Variants in SLC30A5 observed in about 807,000 individuals in gnomAD.
SLC30A5 encodes solute carrier family 30 member 5.
A neutral mutation model predicts 79.6 loss-of-function variants in SLC30A5; 33 were observed. The ratio of observed to expected loss-of-function variants is 0.41; its 90% CI spans 0.31 to 0.55. The LOEUF is 0.55. Ranked by LOEUF, SLC30A5 falls within the 20% of genes least tolerant of loss-of-function variation. The pLI is 0.20. For synonymous variants in SLC30A5, 299 were observed against 319.7 expected (o/e 0.94, Z 0.69); for missense variants, 788 against 928.1 (o/e 0.85, Z 1.96).
At chr5:69,119,517 CTT>C (rs990849549) in intron 12 of SLC30A5, among the ~76,000 whole-genome samples, 2 of 152,120 alleles carry the variant, frequency 1.3e-5, no homozygotes, top group African/African-American at 4.8e-5. Context: ...ATTATTAACT[CTT>C]AAGTTCAGTT....
chr5:69,094,389 C>T, intron 1 of SLC30A5, 51 bp downstream of exon 1: 1 of 1,241,640 alleles, frequency 8.1e-7, no homozygotes, highest in East Asian at 3.2e-5. Context: ...TCAGGATGCA[C>T]TTTCTCCGGC....
At chr5:69,095,767 G>T (rs1414956845) in intron 1 of SLC30A5, among the ~76,000 whole-genome samples, 1 of 151,992 alleles carries the variant, frequency 6.6e-6, no homozygotes, top group African/African-American at 2.4e-5. Context: ...TTAAATAAAA[G>T]TTTCATATCA....
chr5:69,100,373 A>G (rs1366429718), intron 1 of SLC30A5, among the ~76,000 whole-genome samples: 1 of 152,118 alleles, frequency 6.6e-6, no homozygotes, highest in Non-Finnish European at 1.5e-5. Context: ...AGTGGCTGAG[A>G]CTGCTACCAC....
chr5:69,101,716 G>A (rs1745925627), intron 2 of SLC30A5, among the ~76,000 whole-genome samples: 1 of 151,614 alleles, frequency 6.6e-6, no homozygotes, highest in African/African-American at 2.4e-5. Flanking sequence ...CAGCACTTTG[G>A]GAGGCGGAGG....
chr5:69,114,376 G>T (rs776989788), intron 6 of SLC30A5, 44 bp from the exon 7 acceptor site: 17 of 1,152,466 alleles, frequency 1.5e-5, no homozygotes, highest in Non-Finnish European at 2.2e-5. Flanking sequence ...AGGTGTCAAA[G>T]AGTGACTTTT....
Position 69,116,167 on chromosome 5 carries a change from A to G in SLC30A5, c.1025A>G (p.His342Arg), listed in dbSNP as rs1746366939. The G allele has an allele frequency of 6.2e-7, 1 of 1,614,182 alleles. No homozygotes were observed. The highest frequency in any genetic ancestry group is 1.1e-5 in the South Asian group (1 of 91,070). The change falls in exon 9 of 16, where the codon CAC (histidine) becomes CGC (arginine). Residue 342 changes from histidine to arginine, a missense_variant. By Grantham distance (29) the His-to-Arg change is conservative (BLOSUM62 0). Coordinates refer to ENST00000396591, the MANE Select transcript of SLC30A5 (RefSeq NM_022902.5). The surrounding 1 kb of genome is among the most constrained non-coding windows in gnomAD (Gnocchi z 4.0). ...NKAAHQESTEHVLSGGVVVSA... is the reference protein window; with the variant it reads ...NKAAHQESTERVLSGGVVVSA... ...GCAGCACACCAGGAGAGCACTGAAC[A>G]CGTCCTGTCTGGAGGAGTGGTAGTG...
intron 3 of SLC30A5, among the ~76,000 whole-genome samples, 186 bp downstream of exon 3, chr5:69,103,314 AT>A (rs2111945028): frequency 6.6e-6 from 1 of 152,324 alleles, no homozygotes; most frequent in Admixed American, 6.5e-5. Context: ...AGATCATGGA[AT>A]GTTTTTAAAA....
chr5:69,110,893 T>C (rs1420693444), intron 5 of SLC30A5, among the ~76,000 whole-genome samples: 1 of 151,900 alleles, frequency 6.6e-6, no homozygotes, highest in Admixed American at 6.5e-5. Context: ...CTTGAAAACA[T>C]TTAAAAAAAA....
intron 3 of SLC30A5, chr5:69,103,850 A>T: frequency 2.4e-6 from 2 of 844,838 alleles, no homozygotes; most frequent in South Asian, 3.4e-5. Context: ...CTGCGTCATA[A>T]TTTTTTTATT....
At chr5:69,122,635 CAG>C (rs1746567596) in intron 13 of SLC30A5, among the ~76,000 whole-genome samples, 1 of 152,174 alleles carries the variant, frequency 6.6e-6, no homozygotes, top group South Asian at 2.1e-4. Flanking sequence ...GCCTGGGCAA[CAG>C]AGTGAGACTC....
In SLC30A5 at chr5:69,120,664, T is replaced by C. The variant is rs371242858; in HGVS notation, c.1570-1030T>C. On this transcript the variant is annotated intron_variant, in intron 12 of 15. Coordinates refer to ENST00000396591, the MANE Select transcript of SLC30A5 (RefSeq NM_022902.5). ...GTTTCATTCAAAGTCATTAACCATCTACCAGCTTATAAAGCCTAATGAAAT... is the reference window on the plus strand; with the variant it reads ...GTTTCATTCAAAGTCATTAACCATCCACCAGCTTATAAAGCCTAATGAAAT... Among the ~76,000 whole-genome samples the C allele has an allele frequency of 9.2e-5, 14 of 152,346 alleles. No individual in the cohort carries two copies. The South Asian group carries it at 2.9e-3, about 32-fold the overall frequency.
intron 14 of SLC30A5, among the ~76,000 whole-genome samples, chr5:69,127,035 T>G (rs1334935942): frequency 6.6e-6 from 1 of 152,124 alleles, no homozygotes; most frequent in African/African-American, 2.4e-5. Context: ...TTTTATAAAT[T>G]TTCTCCCCAC....
At chr5:69,098,911 T>C (rs1745825368) in intron 1 of SLC30A5, among the ~76,000 whole-genome samples, 1 of 152,218 alleles carries the variant, frequency 6.6e-6, no homozygotes, top group South Asian at 2.1e-4. Flanking sequence ...TAATCCATAT[T>C]TGTGAATTTA....
Position 69,117,733 on chromosome 5 carries a change from C to T in SLC30A5, c.1439+337C>T, listed in dbSNP as rs370159915. ...CTCTACTAAAAATACAAAAATTAGC[C>T]GGGTATGGTGGCACGCACCTGTAGC... On this transcript the variant is annotated intron_variant, in intron 11 of 15. Transcript: ENST00000396591. Among the ~76,000 whole-genome samples, 47 of 151,176 alleles carry T rather than the reference C, an allele frequency of 3.1e-4. No individual in the cohort carries two copies. In the South Asian group the frequency reaches 9.6e-3, roughly 31 times the overall value.
At chr5:69,111,901 G>T (rs945899629) in intron 5 of SLC30A5, among the ~76,000 whole-genome samples, 1 of 151,914 alleles carries the variant, frequency 6.6e-6, no homozygotes, top group Non-Finnish European at 1.5e-5. Context: ...TCCATTATAG[G>T]TATATATAAT....
intron 3 of SLC30A5, chr5:69,104,164 G>A (rs1405944840): frequency 8.2e-7 from 1 of 1,217,472 alleles, no homozygotes; most frequent in African/African-American, 1.6e-5. Context: ...TTGAGAAAGA[G>A]TCTTGCTCCA....
chr5:69,115,305 C>T lies in SLC30A5; in HGVS notation c.681C>T (p.Leu227=). 1.2e-6 allele frequency: 2 copies of T among 1,614,004 alleles called. No individual in the cohort carries two copies. The highest frequency in any genetic ancestry group is 2.2e-5 in the East Asian group (1 of 44,876). ...GTTTTCATACAGCTTCCAGAAAGCT[C>T]TCTGTCGACGTTGGTGGAGCTAAAC... The part of the protein sequence containing the change: ...KVGFHTASRK[L]SVDVGGAKRL... The change falls in exon 8 of 16, where the codon CTC becomes CTT. Residue 227 remains leucine (L), a synonymous_variant. Transcript: ENST00000396591.
intron 12 of SLC30A5, among the ~76,000 whole-genome samples, chr5:69,120,807 A>T (rs1746514775): frequency 6.6e-6 from 1 of 152,226 alleles, no homozygotes; most frequent in Non-Finnish European, 1.5e-5. Flanking sequence ...TGTCCTTCTC[A>T]TATTTATATT....
Position 69,123,231 on chromosome 5 carries a change from G to T in SLC30A5, c.1804G>T (p.Gly602Cys). 2 of 1,609,030 alleles carry T rather than the reference G, an allele frequency of 1.2e-6. No individual in the cohort carries two copies. The highest frequency in any genetic ancestry group is 8.5e-7 in the Non-Finnish European group (1 of 1,176,974). ...VFLHVLADTL[G>C]SIGVIVSTVL... ...TCTACATGTTTTGGCAGATACACTTGGCAGCATTGGTGTGATCGTATCCAC... is the reference window on the plus strand; with the variant it reads ...TCTACATGTTTTGGCAGATACACTTTGCAGCATTGGTGTGATCGTATCCAC... Residue 602 changes from glycine (G) to cysteine (C), a missense_variant, in exon 14 of 16, where the codon GGC becomes TGC. Coordinates refer to ENST00000396591, the MANE Select transcript of SLC30A5 (RefSeq NM_022902.5).
Sources: gnomAD v4.1 joint callset for allele counts (sites outside exome capture counted in the v4.1 genomes callset) on GRCh38, gnomAD v4.1.1 for gene constraint, Gnocchi (gnomAD v3.1) non-coding constraint, MANE v1.5 for transcripts, NCBI Gene and HGNC (gene_info 2026-07-23, HGNC 2026-07-21) for gene names.